SYNDIG1L: variants seen among roughly 807,000 people sequenced by gnomAD.
SYNDIG1L encodes the protein synapse differentiation-inducing gene protein 1-like.
A neutral mutation model predicts 20.1 loss-of-function variants in SYNDIG1L; 13 were observed. The ratio of observed to expected loss-of-function variants is 0.65; its 90% CI spans 0.42 to 1.03. SYNDIG1L has a LOEUF of 1.03. Ranked by LOEUF, SYNDIG1L falls within the 50% of genes least tolerant of loss-of-function variation. SYNDIG1L has a pLI of 0.00. For synonymous variants in SYNDIG1L, 128 were observed against 129.3 expected (o/e 0.99, Z 0.07); for missense variants, 294 against 305.1 (o/e 0.96, Z 0.27).
At chr14:74,425,331 G>A (rs137909357) in intron 1 of SYNDIG1L, among the ~76,000 whole-genome samples, 35 of 152,314 alleles carry the variant, frequency 2.3e-4, no homozygotes, top group African/African-American at 6.3e-4. Flanking sequence ...CGTCAAGAGT[G>A]TCATAGGAAA....
chr14:74,465,806 T>C, the SYNDIG1L span, among the ~76,000 whole-genome samples: 1 of 152,132 alleles, frequency 6.6e-6, no homozygotes, highest in Non-Finnish European at 1.5e-5. Flanking sequence ...AACAGATCCA[T>C]AGAAGTGGGG....
In SYNDIG1L at chr14:74,409,754, G is replaced by A. The variant is rs772975223; in HGVS notation, c.-10C>T. The stretch of plus-strand genomic sequence containing the variant: ...CACTCAGACTCTCCATGGTTCTGGG[G>A]CAGCTGCTGGGGAGGGGGGCCTGGG... On this transcript the variant is annotated 5_prime_UTR_variant, in exon 2 of 4. Coordinates refer to ENST00000331628, the MANE Select transcript of SYNDIG1L (RefSeq NM_001105579.2). The A allele has an allele frequency of 2.1e-6, 3 of 1,422,686 alleles. No homozygotes were observed. Among genetic ancestry groups the A allele is most frequent in the Non-Finnish European group, 2.8e-6 (3 of 1,084,740 alleles). 88.1% of individuals were successfully genotyped at this position (1,422,686 alleles called of 1,614,324 possible). A position where few individuals can be genotyped will look rare whatever the true frequency, so the allele number is the denominator to read the frequency against.
At chr14:74,468,345 C>T in the SYNDIG1L span, among the ~76,000 whole-genome samples, 4 of 152,122 alleles carry the variant, frequency 2.6e-5, no homozygotes, top group African/African-American at 7.2e-5. Context: ...TGGGGTCTAG[C>T]GGCCTGCTCT....
intron 1 of SYNDIG1L, among the ~76,000 whole-genome samples, chr14:74,422,191 C>T (rs2086227578): frequency 6.6e-6 from 1 of 152,144 alleles, no homozygotes; most frequent in African/African-American, 2.4e-5. Flanking sequence ...GCATCCGGCC[C>T]CACTCCCTGC....
the SYNDIG1L span, among the ~76,000 whole-genome samples, chr14:74,437,338 G>T: frequency 1.9e-4 from 29 of 152,222 alleles, no homozygotes; most frequent in South Asian, 5.8e-3. Context: ...ATGATAAATC[G>T]ATCATGAACA....
At chr14:74,446,179 G>A in the SYNDIG1L span, among the ~76,000 whole-genome samples, 1 of 152,208 alleles carries the variant, frequency 6.6e-6, no homozygotes. Flanking sequence ...CTATCACCCT[G>A]AAGATGCCTT....
At chr14:74,451,358 C>T in the SYNDIG1L span, among the ~76,000 whole-genome samples, 1 of 152,144 alleles carries the variant, frequency 6.6e-6, no homozygotes, top group African/African-American at 2.4e-5. Flanking sequence ...ATTGGATGTC[C>T]ATTTGTAAAA....
rs775843520 is a variant in SYNDIG1L at position 74,409,726 on chromosome 14, G to T, written c.19C>A (p.Leu7Ile). Reference protein sequence around the residue: MESLSELQNPLLPRSPA... With the variant: MESLSEIQNPLLPRSPA... ...CTCCTGGGCAGCAGCGGGTTCTGTA[G>T]TTCACTCAGACTCTCCATGGTTCTG... The change falls in exon 2 of 4, where the codon CTA (leucine) becomes ATA (isoleucine). Residue 7 changes from leucine to isoleucine, a missense_variant. Physicochemically the swap from Leu to Ile is conservative, Grantham distance 5. Transcript: ENST00000331628. 1.4e-6 allele frequency: 2 copies of T among 1,462,226 alleles called. No individual in the cohort carries two copies. The highest frequency in any genetic ancestry group is 2.8e-5 in the African/African-American group (2 of 70,202). 90.6% of individuals were successfully genotyped at this position (1,462,226 alleles called of 1,614,324 possible). A position where few individuals can be genotyped will look rare whatever the true frequency, so the allele number is the denominator to read the frequency against.
chr14:74,416,334 T>C (rs1438796712), intron 1 of SYNDIG1L, among the ~76,000 whole-genome samples: 3 of 152,132 alleles, frequency 2.0e-5, no homozygotes. Flanking sequence ...ATCTCAAAGA[T>C]GACTTAAAAA....
chr14:74,476,278 AC>A, the SYNDIG1L span: 3 of 607,692 alleles, frequency 4.9e-6, no homozygotes, highest in Admixed American at 2.8e-5. Flanking sequence ...GATCTGGCAC[AC>A]CCAGCAGCTC....
the SYNDIG1L span, among the ~76,000 whole-genome samples, chr14:74,434,247 T>C: frequency 2.0e-5 from 3 of 152,282 alleles, no homozygotes; most frequent in Admixed American, 1.3e-4. Flanking sequence ...AAAGCTTAAA[T>C]AAAAATAAAT....
upstream of SYNDIG1L, among the ~76,000 whole-genome samples, chr14:74,428,066 G>C (rs1198050928): frequency 6.6e-6 from 1 of 152,268 alleles, no homozygotes; most frequent in Non-Finnish European, 1.5e-5. Flanking sequence ...AACTCAAAGA[G>C]AGGCTGTTGG....
At chr14:74,480,112 C>G in the SYNDIG1L span, 1 of 1,554,536 alleles carries the variant, frequency 6.4e-7, no homozygotes, top group South Asian at 1.2e-5. Context: ...CACTGAGAAC[C>G]AGCCACCCGG....
the SYNDIG1L span, among the ~76,000 whole-genome samples, chr14:74,431,621 C>G: frequency 6.6e-6 from 1 of 152,106 alleles, no homozygotes; most frequent in Non-Finnish European, 1.5e-5. Context: ...GAAGCCGGGT[C>G]TGTGTGATGC....
At chr14:74,439,793 C>T in the SYNDIG1L span, among the ~76,000 whole-genome samples, 1 of 150,598 alleles carries the variant, frequency 6.6e-6, no homozygotes, top group Non-Finnish European at 1.5e-5. Context: ...GCAGGAGAAT[C>T]GCTTGAACCC....
the SYNDIG1L span, among the ~76,000 whole-genome samples, chr14:74,446,149 G>A: frequency 1.3e-5 from 2 of 152,130 alleles, no homozygotes; most frequent in Non-Finnish European, 2.9e-5. Flanking sequence ...TCAAATAATT[G>A]AGCAAACCAC....
chr14:74,413,956 T>A (rs139603704), intron 1 of SYNDIG1L, among the ~76,000 whole-genome samples: 93 of 152,334 alleles, frequency 6.1e-4, no homozygotes, highest in African/African-American at 2.1e-3. Flanking sequence ...GCGGACGTGA[T>A]CCTGGAGACC....
chr14:74,427,546 G>T (rs1013170559), upstream of SYNDIG1L, among the ~76,000 whole-genome samples: 1 of 152,158 alleles, frequency 6.6e-6, no homozygotes, highest in African/African-American at 2.4e-5. Flanking sequence ...GCAGGACAGA[G>T]AACTCCCTTA....
the SYNDIG1L span, among the ~76,000 whole-genome samples, chr14:74,441,111 C>CTGG: frequency 1.3e-5 from 2 of 152,208 alleles, no homozygotes; most frequent in Non-Finnish European, 2.9e-5. Context: ...CAGAAGCAGC[C>CTGG]ACACTGCTAC....
Sources: gnomAD v4.1 joint callset for allele counts (sites outside exome capture counted in the v4.1 genomes callset) on GRCh38, gnomAD v4.1.1 for gene constraint, MANE v1.5 for transcripts, NCBI Gene and HGNC (gene_info 2026-07-23, HGNC 2026-07-21) for gene names.